The following SPATA6 variants were observed in gnomAD, a reference collection of about 807,000 sequenced individuals.
SPATA6 encodes the protein spermatogenesis associated 6, also known as spermatogenesis-associated protein 6.
A neutral mutation model predicts 65.3 loss-of-function variants in SPATA6; 56 were observed. That is an observed-to-expected ratio of 0.86 (90% CI 0.69 to 1.07). The LOEUF (loss-of-function observed/expected upper bound fraction) is 1.07. Ranked by LOEUF, SPATA6 falls within the 50% of genes least tolerant of loss-of-function variation. SPATA6 has a pLI of 0.00. For synonymous variants in SPATA6, 199 were observed against 213.2 expected (o/e 0.93, Z 0.58); for missense variants, 590 against 594.8 (o/e 0.99, Z 0.08).
At chr1:48,432,332 G>C (rs1654480332) in intron 3 of SPATA6, among the ~76,000 whole-genome samples, 1 of 151,892 alleles carries the variant, frequency 6.6e-6, no homozygotes, top group South Asian at 2.1e-4. Context: ...GCATAAAAAG[G>C]CAGTTATCAA....
intron 3 of SPATA6, among the ~76,000 whole-genome samples, chr1:48,419,401 T>C (rs1387990529): frequency 6.6e-6 from 1 of 152,140 alleles, no homozygotes; most frequent in Non-Finnish European, 1.5e-5. Context: ...AGACAGTTGC[T>C]AGAGGGAGAC....
At chr1:48,330,130 C>A (rs2148727082) in intron 11 of SPATA6, among the ~76,000 whole-genome samples, 1 of 152,338 alleles carries the variant, frequency 6.6e-6, no homozygotes, top group Non-Finnish European at 1.5e-5. Flanking sequence ...AGCAGCCGTA[C>A]TTTGGTTCAA....
chr1:48,424,557 C>G (rs537306616), intron 3 of SPATA6, among the ~76,000 whole-genome samples: 4 of 152,100 alleles, frequency 2.6e-5, no homozygotes, highest in African/African-American at 9.7e-5. Context: ...TTCTGAGGAA[C>G]CTCCACACTG....
At chr1:48,450,043 T>G (rs894978654) in intron 3 of SPATA6, among the ~76,000 whole-genome samples, 1 of 151,768 alleles carries the variant, frequency 6.6e-6, no homozygotes. Context: ...TTTTTTTAAT[T>G]AAGGAACTGA....
chr1:48,397,161 C>T (rs1053458837), intron 7 of SPATA6, among the ~76,000 whole-genome samples: 20 of 151,474 alleles, frequency 1.3e-4, no homozygotes, highest in South Asian at 6.2e-4. Context: ...TAGGCAAATT[C>T]ATAGAGACAG....
intron 11 of SPATA6, among the ~76,000 whole-genome samples, chr1:48,332,255 GT>G (rs1166592958): frequency 6.6e-6 from 1 of 152,122 alleles, no homozygotes; most frequent in African/African-American, 2.4e-5. Flanking sequence ...ATGTAAATGG[GT>G]TAGGTGCCCC....
At chr1:48,326,521 C>CAAAAAAAAA (rs1330859768) in intron 11 of SPATA6, among the ~76,000 whole-genome samples, 3 of 80,120 alleles carry the variant, frequency 3.7e-5, no homozygotes, top group African/African-American at 4.2e-5. Flanking sequence ...TCATATGAAA[C>CAAAAAAAAA]AAAAAAAAAA....
At chr1:48,363,032 A>T (rs1028880713) in intron 9 of SPATA6, among the ~76,000 whole-genome samples, 1 of 152,166 alleles carries the variant, frequency 6.6e-6, no homozygotes, top group African/African-American at 2.4e-5. Context: ...ACAGAATATA[A>T]GACGTCAAAT....
chr1:48,383,361 A>G (rs202229846), intron 9 of SPATA6, among the ~76,000 whole-genome samples: 9,624 of 24,030 alleles, frequency 0.4, 4,286 homozygotes, highest in East Asian at 0.92. Context: ...CCCCCCCGCC[A>G]CCTCCCTCCC....
intron 3 of SPATA6, chr1:48,436,892 A>C (rs1557707882): frequency 6.2e-7 from 1 of 1,613,092 alleles, no homozygotes; most frequent in East Asian, 2.2e-5. Context: ...TCAGGTGTAG[A>C]CTCTGGAATT....
At chr1:48,434,296 C>T (rs1230826274) in intron 3 of SPATA6, among the ~76,000 whole-genome samples, 2 of 149,306 alleles carry the variant, frequency 1.3e-5, no homozygotes, top group African/African-American at 2.5e-5. Context: ...AATCTCTACT[C>T]CTATAAAACT....
At chr1:48,448,232 GC>G (rs1339411698) in intron 3 of SPATA6, among the ~76,000 whole-genome samples, 1 of 148,202 alleles carries the variant, frequency 6.7e-6, no homozygotes, top group African/African-American at 2.5e-5. Context: ...CTGTACTCCA[GC>G]CTGGGTGACA....
intron 9 of SPATA6, among the ~76,000 whole-genome samples, chr1:48,374,682 T>A (rs1274708853): frequency 2.0e-5 from 3 of 152,174 alleles, no homozygotes; most frequent in African/African-American, 7.2e-5. Flanking sequence ...GTTCCCTTCT[T>A]ATGACAATAG....
intron 8 of SPATA6, among the ~76,000 whole-genome samples, chr1:48,386,100 A>G (rs1291847328): frequency 6.6e-6 from 1 of 152,200 alleles, no homozygotes; most frequent in Admixed American, 6.5e-5. Context: ...AACTATATAA[A>G]GACAATTGAT....
chr1:48,367,314 G>A (rs978931362), intron 9 of SPATA6, among the ~76,000 whole-genome samples: 5 of 152,116 alleles, frequency 3.3e-5, no homozygotes, highest in Non-Finnish European at 5.9e-5. Flanking sequence ...TATTAGGTCT[G>A]CTTGGTGCAG....
intron 11 of SPATA6, chr1:48,325,833 G>T: frequency 2.4e-6 from 1 of 423,166 alleles, no homozygotes; most frequent in South Asian, 2.3e-5. Context: ...AACTGAATGT[G>T]ACCAAGAAAG....
chr1:48,305,316 C>T (rs1416999467), intron 12 of SPATA6, among the ~76,000 whole-genome samples: 2 of 152,130 alleles, frequency 1.3e-5, no homozygotes, highest in Non-Finnish European at 2.9e-5. Flanking sequence ...AAAATTTACA[C>T]TTTTTAATAC....
At chr1:48,290,361 G>T in the SPATA6 span, among the ~76,000 whole-genome samples, 1 of 152,088 alleles carries the variant, frequency 6.6e-6, no homozygotes, top group African/African-American at 2.4e-5. Flanking sequence ...ACTAAACATC[G>T]AAAGGAACAA....
intron 1 of SPATA6, among the ~76,000 whole-genome samples, chr1:48,456,858 G>A (rs1156392383): frequency 1.3e-5 from 2 of 152,068 alleles, no homozygotes; most frequent in African/African-American, 2.4e-5. Flanking sequence ...AATGAACAGA[G>A]TTTCAGACCT....
Sources: gnomAD v4.1 joint callset for allele counts (sites outside exome capture counted in the v4.1 genomes callset) on GRCh38, gnomAD v4.1.1 for gene constraint, MANE v1.5 for transcripts, NCBI Gene and HGNC (gene_info 2026-07-23, HGNC 2026-07-21) for gene names.